The following ALK variants were observed in gnomAD, a reference collection of about 807,000 sequenced individuals.
ALK encodes ALK tyrosine kinase receptor.
A neutral mutation model predicts 163.1 loss-of-function variants in ALK; 74 were observed. That is an observed-to-expected ratio of 0.45 (90% CI 0.38 to 0.55). ALK has a LOEUF of 0.55. ALK is among the 20% of genes least tolerant of loss of function. The pLI is 0.00. For missense variants in ALK, 2,063 were observed against 2,105.3 expected, an observed-to-expected ratio of 0.98 and a Z score of 0.39; for synonymous variants, 960 against 843.2, an observed-to-expected ratio of 1.14 and a Z score of -2.40.
intron 3 of ALK, among the ~76,000 whole-genome samples, chr2:29,537,259 G>T (rs1055602292): frequency 6.6e-6 from 1 of 152,244 alleles, no homozygotes; most frequent in East Asian, 1.9e-4. Context: ...CAGCCCCTCT[G>T]ATCACAGGCT....
chr2:29,216,455 C>T (rs998707500), intron 23 of ALK, among the ~76,000 whole-genome samples: 1 of 152,094 alleles, frequency 6.6e-6, no homozygotes, highest in African/African-American at 2.4e-5. Flanking sequence ...GAGCCTGGAG[C>T]GCTGTGGGGA....
intron 12 of ALK, among the ~76,000 whole-genome samples, chr2:29,247,542 A>C (rs1238986260): frequency 6.6e-6 from 1 of 151,980 alleles, no homozygotes; most frequent in East Asian, 1.9e-4. Flanking sequence ...CCTGCCCCGC[A>C]CCCCCTTCCT....
chr2:29,492,888 T>A (rs567160123), intron 4 of ALK, among the ~76,000 whole-genome samples: 1 of 152,094 alleles, frequency 6.6e-6, no homozygotes, highest in Non-Finnish European at 1.5e-5. Flanking sequence ...TCTAACCAGA[T>A]GGTATGGGAG....
Position 29,506,010 on chromosome 2 carries a change from C to G in ALK, c.1154+25905G>C, listed in dbSNP as rs958091199. Among the ~76,000 whole-genome samples the G allele has an allele frequency of 3.9e-5, 6 of 152,244 alleles. No homozygotes were observed. In the South Asian group the frequency reaches 8.3e-4, roughly 21 times the overall value. Reference sequence around the variant, plus strand: ...AGATTTGCGGCTAGCTCTTCCAGAGCCAGTTTTTTTCTGAGAGGCATCTCA... The same window carrying G: ...AGATTTGCGGCTAGCTCTTCCAGAGGCAGTTTTTTTCTGAGAGGCATCTCA... On this transcript the variant is annotated intron_variant, in intron 4 of 28. Transcript: ENST00000389048.
At chr2:29,705,245 AT>A in intron 2 of ALK, among the ~76,000 whole-genome samples, 1 of 31,074 alleles carries the variant, frequency 3.2e-5, no homozygotes. Flanking sequence ...AAAGAAATAT[AT>A]ATATATATAT....
intron 3 of ALK, among the ~76,000 whole-genome samples, chr2:29,653,219 G>A (rs1677084916): frequency 6.6e-6 from 1 of 152,084 alleles, no homozygotes; most frequent in African/African-American, 2.4e-5. Flanking sequence ...TATCTGTGTT[G>A]ACTTTTGGCG....
chr2:29,327,634 G>A (rs1667308163), intron 6 of ALK, among the ~76,000 whole-genome samples: 1 of 152,198 alleles, frequency 6.6e-6, no homozygotes, highest in African/African-American at 2.4e-5. Flanking sequence ...AAATAAAATT[G>A]TGATGATGGT....
At position 29,785,206 on chromosome 2, in the gene ALK, T is replaced by C. The variant is rs573287230; in HGVS notation, c.668-67509A>G. On this transcript the variant is annotated intron_variant, in intron 1 of 28. Coordinates refer to ENST00000389048, the MANE Select transcript of ALK (RefSeq NM_004304.5). Reference sequence around the variant, plus strand: ...TGATATCCTGGTGCACGTAAGCTCATGGGTACAAGGAGTTAGACACAAGCA... The same window carrying C: ...TGATATCCTGGTGCACGTAAGCTCACGGGTACAAGGAGTTAGACACAAGCA... Among the ~76,000 whole-genome samples, 3 of 152,054 alleles carry C rather than the reference T, an allele frequency of 2.0e-5. No individual in the cohort carries two copies. The South Asian group carries it at 6.3e-4, about 32-fold the overall frequency.
At chr2:29,550,270 C>G (rs4128519) in intron 3 of ALK, among the ~76,000 whole-genome samples, 1 of 152,166 alleles carries the variant, frequency 6.6e-6, no homozygotes, top group Non-Finnish European at 1.5e-5. Flanking sequence ...AACTGAGACT[C>G]GGAGATATCA....
At chr2:29,360,357 A>C (rs1668357884) in intron 5 of ALK, among the ~76,000 whole-genome samples, 1 of 152,100 alleles carries the variant, frequency 6.6e-6, no homozygotes, top group African/African-American at 2.4e-5. Flanking sequence ...TGGATAATGC[A>C]CTGCTGTCCT....
At chr2:29,505,491 A>G (rs1194438705) in intron 4 of ALK, among the ~76,000 whole-genome samples, 1 of 152,162 alleles carries the variant, frequency 6.6e-6, no homozygotes, top group African/African-American at 2.4e-5. Flanking sequence ...TCCTTCTGCC[A>G]GCACTCCTGG....
At chr2:29,208,659 A>G (rs1282301537) in intron 25 of ALK, among the ~76,000 whole-genome samples, 1 of 152,108 alleles carries the variant, frequency 6.6e-6, no homozygotes, top group Non-Finnish European at 1.5e-5. Flanking sequence ...GACTGTTACC[A>G]TGTTTGATGG....
chr2:29,628,056 T>C (rs1442954667), intron 3 of ALK, among the ~76,000 whole-genome samples: 2 of 152,182 alleles, frequency 1.3e-5, no homozygotes, highest in African/African-American at 2.4e-5. Context: ...AATTGGTAAA[T>C]TCAGTAAAGA....
intron 3 of ALK, among the ~76,000 whole-genome samples, chr2:29,665,611 G>T (rs1677491300): frequency 6.6e-6 from 1 of 151,990 alleles, no homozygotes; most frequent in African/African-American, 2.4e-5. Flanking sequence ...TTGAAAGGGG[G>T]CCTATGCAGG....
chr2:29,383,696 G>C (rs764173696), intron 5 of ALK, 36 bp downstream of exon 5: 5 of 1,613,638 alleles, frequency 3.1e-6, no homozygotes, highest in Non-Finnish European at 4.2e-6. Flanking sequence ...AACACAATAG[G>C]CTACCAAGGA....
intron 3 of ALK, among the ~76,000 whole-genome samples, chr2:29,617,165 C>A: frequency 6.6e-6 from 1 of 152,184 alleles, no homozygotes; most frequent in East Asian, 1.9e-4. Context: ...CTCCTTTCTA[C>A]TATTTAGCCA....
At chr2:29,469,251 G>A (rs1425841177) in intron 4 of ALK, among the ~76,000 whole-genome samples, 1 of 152,150 alleles carries the variant, frequency 6.6e-6, no homozygotes, top group Non-Finnish European at 1.5e-5. Context: ...TGGACATGTT[G>A]GGTCAATGTA....
chr2:29,425,699 T>C (rs1390427487), intron 4 of ALK, among the ~76,000 whole-genome samples: 7 of 152,130 alleles, frequency 4.6e-5, no homozygotes, highest in Admixed American at 3.3e-4. Context: ...GGCTCAGAGA[T>C]TTTGCCCAGG....
chr2:29,334,216 A>T (rs1012146952), intron 5 of ALK, among the ~76,000 whole-genome samples: 3 of 152,094 alleles, frequency 2.0e-5, no homozygotes, highest in African/African-American at 7.2e-5. Flanking sequence ...GCTACATATC[A>T]TTACTATGGC....
Sources: gnomAD v4.1 joint callset for allele counts (sites outside exome capture counted in the v4.1 genomes callset) on GRCh38, gnomAD v4.1.1 for gene constraint, MANE v1.5 for transcripts, NCBI Gene and HGNC (gene_info 2026-07-23, HGNC 2026-07-21) for gene names.